Variants in FAT3 observed in about 807,000 individuals in gnomAD.
FAT3 encodes the protein protocadherin Fat 3.
Under a neutral mutation model 310.2 loss-of-function variants are expected in FAT3, and 95 were observed. That is an observed-to-expected ratio of 0.31 (90% CI 0.26 to 0.36). The LOEUF (loss-of-function observed/expected upper bound fraction) is 0.36, where lower values mean the gene tolerates loss of function less well. Ranked by LOEUF, FAT3 falls within the 10% of genes least tolerant of loss-of-function variation. The pLI is 1.00. For missense variants in FAT3, 5,408 were observed against 5,715.6 expected, an observed-to-expected ratio of 0.95 and a Z score of 1.74; for synonymous variants, 2,314 against 2,192.9, an observed-to-expected ratio of 1.06 and a Z score of -1.54.
rs1949701540 is a variant in FAT3, at chr11:92,882,742, G to C, written c.12286G>C (p.Glu4096Gln). 1 of 1,598,424 alleles carries C rather than the reference G, an allele frequency of 6.3e-7. No individual in the cohort carries two copies. Among genetic ancestry groups the C allele is most frequent in the Non-Finnish European group, 8.5e-7 (1 of 1,170,594 alleles). ...GGGGCTTCTGTGTCGCCGCAGGTGTGAGGAGGACATCAATGAGTGCGAACG... is the reference window on the plus strand; with the variant it reads ...GGGGCTTCTGTGTCGCCGCAGGTGTCAGGAGGACATCAATGAGTGCGAACG... ...CKAGLTGVTC[E>Q]EDINECEREE... Residue 4096 changes from glutamate (E) to glutamine (Q), a missense_variant, in exon 24 of 28, where the codon GAG (glutamate) becomes CAG (glutamine). Around this residue, in one of 5 missense-constraint regions of FAT3, gnomAD observed 649 missense variants for 666.2 expected, o/e 0.97. Transcript: ENST00000525166.
intron 3 of FAT3, among the ~76,000 whole-genome samples, chr11:92,553,573 T>A (rs1163039377): frequency 6.6e-6 from 1 of 152,188 alleles, no homozygotes; most frequent in Non-Finnish European, 1.5e-5. Flanking sequence ...TGCAAAACAA[T>A]GAAGGAACCT....
intron 1 of FAT3, among the ~76,000 whole-genome samples, chr11:92,308,402 C>A (rs148846128): frequency 6.6e-6 from 1 of 151,956 alleles, no homozygotes; most frequent in Admixed American, 6.6e-5. Flanking sequence ...TATACCAATA[C>A]TGCTTTGGAT....
chr11:92,628,868 G>T (rs922254374), intron 3 of FAT3, among the ~76,000 whole-genome samples: 1 of 152,146 alleles, frequency 6.6e-6, no homozygotes, highest in Non-Finnish European at 1.5e-5. Context: ...GTGCATGCAC[G>T]TGTGTGCACA....
intron 27 of FAT3, 45 bp downstream of exon 27, chr11:92,889,936 T>A (rs1310017306): frequency 1.4e-6 from 1 of 717,870 alleles, no homozygotes; most frequent in South Asian, 1.5e-5. Flanking sequence ...GTGTTTGTTT[T>A]GAATTGCTGA....
At chr11:92,455,794 G>A (rs1951479057) in intron 2 of FAT3, among the ~76,000 whole-genome samples, 1 of 152,144 alleles carries the variant, frequency 6.6e-6, no homozygotes, top group Non-Finnish European at 1.5e-5. Flanking sequence ...GCCAGTATCT[G>A]ATGCAAACTA....
At chr11:92,652,795 C>T (rs960133099) in intron 3 of FAT3, among the ~76,000 whole-genome samples, 5 of 152,170 alleles carry the variant, frequency 3.3e-5, no homozygotes, top group African/African-American at 1.2e-4. Flanking sequence ...AAGGTGCTAC[C>T]ACCTCTTCCA....
intron 3 of FAT3, among the ~76,000 whole-genome samples, chr11:92,595,597 C>A (rs1457204221): frequency 6.6e-6 from 1 of 152,140 alleles, no homozygotes; most frequent in Non-Finnish European, 1.5e-5. Context: ...AAGAACAAGA[C>A]CTTTGTAACT....
chr11:92,549,478 G>A (rs1001983806), intron 3 of FAT3, among the ~76,000 whole-genome samples: 1 of 152,106 alleles, frequency 6.6e-6, no homozygotes, highest in African/African-American at 2.4e-5. Context: ...CGGTTACATG[G>A]CCCCATTGAG....
intron 1 of FAT3, among the ~76,000 whole-genome samples, chr11:92,249,203 G>A (rs892360186): frequency 6.6e-6 from 1 of 152,066 alleles, no homozygotes; most frequent in African/African-American, 2.4e-5. Context: ...CATCACTCTG[G>A]AAACAGACGT....
chr11:92,640,584 T>C (rs1941922556), intron 3 of FAT3, among the ~76,000 whole-genome samples: 1 of 152,172 alleles, frequency 6.6e-6, no homozygotes, highest in Non-Finnish European at 1.5e-5. Context: ...AGTCATAAAA[T>C]AGTTTATATG....
chr11:92,567,187 A>G (rs7396597), intron 3 of FAT3, among the ~76,000 whole-genome samples: 54,519 of 110,920 alleles, frequency 0.49, 11,792 homozygotes, highest in Middle Eastern at 0.63. Flanking sequence ...AAAGAAATTT[A>G]CAAGAAAAAA....
intron 2 of FAT3, among the ~76,000 whole-genome samples, chr11:92,431,257 G>A (rs1419496881): frequency 6.6e-6 from 1 of 152,162 alleles, no homozygotes; most frequent in African/African-American, 2.4e-5. Context: ...TTCTCTGACG[G>A]CCAGTGATGA....
intron 3 of FAT3, among the ~76,000 whole-genome samples, chr11:92,588,142 T>C (rs548083021): frequency 1.3e-5 from 2 of 152,142 alleles, no homozygotes; most frequent in African/African-American, 4.8e-5. Flanking sequence ...AATAAGTTTA[T>C]GCTGTAGACT....
At chr11:92,699,114 T>C (rs1393330740) in intron 4 of FAT3, among the ~76,000 whole-genome samples, 6 of 152,232 alleles carry the variant, frequency 3.9e-5, no homozygotes, top group Admixed American at 1.3e-4. Flanking sequence ...TACTGAGTAA[T>C]GTTTTAGTAC....
intron 2 of FAT3, chr11:92,498,382 T>G (rs1952830312): frequency 4.4e-6 from 1 of 225,546 alleles, no homozygotes; most frequent in East Asian, 1.0e-4. Flanking sequence ...ATCTATTTAT[T>G]GACCATTTCT....
chr11:92,472,504 C>G (rs1052214147), intron 2 of FAT3, among the ~76,000 whole-genome samples: 6 of 152,088 alleles, frequency 3.9e-5, no homozygotes, highest in Admixed American at 6.6e-5. Context: ...GGCATTGGGA[C>G]GTAGTATTTG....
chr11:92,648,507 A>T (rs1051732583), intron 3 of FAT3, among the ~76,000 whole-genome samples: 1 of 152,152 alleles, frequency 6.6e-6, no homozygotes, highest in South Asian at 2.1e-4. Flanking sequence ...CTCTCCAGGG[A>T]TAGGTCCAAA....
chr11:92,269,679 A>G (rs1946069964), intron 1 of FAT3, among the ~76,000 whole-genome samples: 1 of 152,120 alleles, frequency 6.6e-6, no homozygotes, highest in African/African-American at 2.4e-5. Context: ...GCAATACAAT[A>G]TTTACCTACC....
intron 22 of FAT3, among the ~76,000 whole-genome samples, chr11:92,869,926 A>C (rs6483195): frequency 0.73 from 111,687 of 152,082 alleles, 41,972 homozygotes; most frequent in South Asian, 0.9. Flanking sequence ...CAAAGGGGAA[A>C]TTTGGGCTAG....
Sources: allele counts gnomAD v4.1 joint callset (sites outside exome capture counted in the v4.1 genomes callset), GRCh38; gene constraint gnomAD v4.1.1; regional missense constraint gnomAD v4.1.1; transcripts MANE v1.5; gene names NCBI Gene and HGNC (gene_info 2026-07-23, HGNC 2026-07-21).